The following CHN1 variants were observed in gnomAD, a reference collection of about 807,000 sequenced individuals.
CHN1 encodes the protein chimerin 1.
A neutral mutation model predicts 59.5 loss-of-function variants in CHN1; 37 were observed. That is an observed-to-expected ratio of 0.62 (90% CI 0.48 to 0.82). CHN1 has a LOEUF of 0.82. Among genes scored for constraint, CHN1 ranks in the 40% least tolerant of loss-of-function variants. The pLI, the probability that CHN1 is intolerant of heterozygous loss-of-function variation, is 0.00. For missense variants in CHN1, 469 were observed against 571.0 expected, an observed-to-expected ratio of 0.82 and a Z score of 1.82; for synonymous variants, 206 against 200.4, an observed-to-expected ratio of 1.03 and a Z score of -0.24.
At chr2:174,850,369 C>T (rs1407607437) in intron 6 of CHN1, among the ~76,000 whole-genome samples, 1 of 152,016 alleles carries the variant, frequency 6.6e-6, no homozygotes, top group Non-Finnish European at 1.5e-5. Flanking sequence ...TATTGGGGGG[C>T]AGTGTGGTAT....
rs536824085 is a variant in CHN1 at position 174,871,801 on chromosome 2, C to A, written c.549+6039G>T. On this transcript the variant is annotated intron_variant, in intron 6 of 12. Transcript: ENST00000409900. ...ATAATGAAACATTAAAATGTAAGTT[C>A]TTTGAGACAGGGCTTAAATCTTCAA... Among the ~76,000 whole-genome samples, 80 of 152,250 alleles carry A rather than the reference C, an allele frequency of 5.3e-4. No homozygotes were observed. The South Asian group carries it at 0.011, about 22-fold the overall frequency.
chr2:174,831,592 TA>T (rs1346592460), intron 7 of CHN1, among the ~76,000 whole-genome samples: 1 of 152,172 alleles, frequency 6.6e-6, no homozygotes, highest in Non-Finnish European at 1.5e-5. Flanking sequence ...ATATAACCAT[TA>T]ATTCAAAGAC....
At chr2:174,832,904 T>C (rs1232772760) in intron 7 of CHN1, among the ~76,000 whole-genome samples, 1 of 152,126 alleles carries the variant, frequency 6.6e-6, no homozygotes, top group Non-Finnish European at 1.5e-5. Flanking sequence ...ACCATGGTAT[T>C]TGTGTATCTA....
chr2:174,842,420 T>G lies in CHN1; in HGVS notation c.627+4460A>C, dbSNP rs574002451. ...TGTCTCCATAGGAACTTCAATAAAATTTTAATGAAAAATGGAATACTTGTA... is the reference window on the plus strand; with the variant it reads ...TGTCTCCATAGGAACTTCAATAAAAGTTTAATGAAAAATGGAATACTTGTA... On this transcript the variant is annotated intron_variant, in intron 7 of 12. Transcript: ENST00000409900. 2.6e-5 allele frequency among the ~76,000 whole-genome samples: 4 copies of G among 152,306 alleles called. No individual in the cohort carries two copies. The East Asian group carries it at 7.7e-4, about 29-fold the overall frequency.
At chr2:174,915,657 C>T (rs1688827168) in intron 4 of CHN1, among the ~76,000 whole-genome samples, 1 of 152,126 alleles carries the variant, frequency 6.6e-6, no homozygotes, top group Non-Finnish European at 1.5e-5. Context: ...CAATAATGTG[C>T]ATAATCTGCA....
At chr2:174,820,231 A>C (rs891196451) in intron 8 of CHN1, among the ~76,000 whole-genome samples, 4 of 152,114 alleles carry the variant, frequency 2.6e-5, no homozygotes, top group African/African-American at 9.7e-5. Context: ...CTAGATCCCT[A>C]AGGAATCACC....
At chr2:174,944,816 A>G in intron 3 of CHN1, 72 bp downstream of exon 3, 1 of 1,045,096 alleles carries the variant, frequency 9.6e-7, no homozygotes, top group Non-Finnish European at 1.4e-6. Context: ...CAACCAAGCC[A>G]CTGAAGAAGG....
chr2:174,993,774 G>C (rs3771923), intron 1 of CHN1, among the ~76,000 whole-genome samples: 47,599 of 152,082 alleles, frequency 0.31, 8,381 homozygotes, highest in Admixed American at 0.45. Context: ...TTCTTGCACT[G>C]AATCTTTTTG....
chr2:174,942,995 G>T lies in CHN1; in HGVS notation c.114+1893C>A, dbSNP rs544711333. 7.9e-5 allele frequency among the ~76,000 whole-genome samples: 12 copies of T among 151,728 alleles called. No individual in the cohort carries two copies. The South Asian group carries it at 1.7e-3, about 21-fold the overall frequency. ...GAGCTCAGGAGGTTGAGGCTGCAGT[G>T]AGCCAGATCACACCACTGGACTCTA... On this transcript the variant is annotated intron_variant, in intron 3 of 12. Transcript: ENST00000409900.
At chr2:174,983,060 T>G (rs1045647411) in intron 1 of CHN1, among the ~76,000 whole-genome samples, 7 of 152,132 alleles carry the variant, frequency 4.6e-5, no homozygotes, top group Non-Finnish European at 8.8e-5. Flanking sequence ...AGGATAGTGA[T>G]AAACTCTGGG....
intron 6 of CHN1, among the ~76,000 whole-genome samples, chr2:174,874,872 CT>C (rs11406785): frequency 3.7e-4 from 46 of 122,676 alleles, no homozygotes; most frequent in African/African-American, 1.4e-3. Context: ...TTTATTTATT[CT>C]TTTTTTTTTT....
chr2:174,983,038 G>A (rs1187663261), intron 1 of CHN1, among the ~76,000 whole-genome samples: 1 of 152,056 alleles, frequency 6.6e-6, no homozygotes, highest in Admixed American at 6.6e-5. Context: ...CTAACTTATA[G>A]TGTTAGATGT....
intron 3 of CHN1, among the ~76,000 whole-genome samples, chr2:174,943,301 A>G (rs1038259777): frequency 2.6e-5 from 4 of 151,616 alleles, no homozygotes; most frequent in African/African-American, 9.7e-5. Context: ...ATCTCAGCTC[A>G]CTGCAACCTC....
intron 5 of CHN1, among the ~76,000 whole-genome samples, chr2:174,892,472 G>C (rs1688082341): frequency 6.6e-6 from 1 of 152,166 alleles, no homozygotes; most frequent in African/African-American, 2.4e-5. Flanking sequence ...CACTAAATGT[G>C]CTAACACCGT....
At chr2:174,952,974 C>T (rs1186315715) in intron 1 of CHN1, among the ~76,000 whole-genome samples, 1 of 152,200 alleles carries the variant, frequency 6.6e-6, no homozygotes, top group Non-Finnish European at 1.5e-5. Context: ...TGTGTGGCTT[C>T]TCATCAGTAA....
chr2:174,841,942 T>G (rs1243395981), intron 7 of CHN1, among the ~76,000 whole-genome samples: 1 of 152,194 alleles, frequency 6.6e-6, no homozygotes, highest in East Asian at 1.9e-4. Flanking sequence ...ACACAGATTC[T>G]CTAGTCAATA....
intron 8 of CHN1, among the ~76,000 whole-genome samples, chr2:174,817,707 G>A (rs1253822766): frequency 1.7e-4 from 25 of 149,086 alleles, no homozygotes; most frequent in Admixed American, 1.6e-3. Context: ...GCGCGATCTC[G>A]GCTCACTGCA....
In CHN1 at chr2:175,005,146, TCCGCGAG is replaced by T; in HGVS notation, c.-241_-235del. 7.8e-7 allele frequency: 1 copy of T among 1,289,478 alleles called. No homozygotes were observed. Among genetic ancestry groups the T allele is most frequent in the Non-Finnish European group, 9.8e-7 (1 of 1,016,162 alleles). 79.9% of individuals were successfully genotyped at this position (1,289,478 alleles called of 1,614,324 possible). On this transcript the variant is annotated 5_prime_UTR_variant, in exon 1 of 13. It removes the in-frame stop codon of an upstream open reading frame in the 5' UTR. Coordinates refer to ENST00000409900, the MANE Select transcript of CHN1 (RefSeq NM_001822.7). ...CGGGCCCAGGGAGCCCCGCTAGCTC[TCCGCGAG>T]CCGGCACTTGTCGCTGCCATCAGGC... is the stretch of plus-strand genomic sequence containing the variant.
At chr2:174,802,809 G>T (rs1684769657) in intron 11 of CHN1, among the ~76,000 whole-genome samples, 1 of 152,178 alleles carries the variant, frequency 6.6e-6, no homozygotes, top group South Asian at 2.1e-4. Context: ...GGAGGCCGAG[G>T]GGGGTGGGTC....
Sources: allele counts gnomAD v4.1 joint callset (sites outside exome capture counted in the v4.1 genomes callset), GRCh38; gene constraint gnomAD v4.1.1; transcripts MANE v1.5; gene names NCBI Gene and HGNC (gene_info 2026-07-23, HGNC 2026-07-21).